The following NEDD4L variants were observed in gnomAD, a reference collection of about 807,000 sequenced individuals.
The protein encoded by NEDD4L is NEDD4 like E3 ubiquitin protein ligase, also known as E3 ubiquitin-protein ligase NEDD4-like.
A neutral mutation model predicts 148.9 loss-of-function variants in NEDD4L; 54 were observed. The observed-to-expected ratio is 0.36, with a 90% CI of 0.29 to 0.45. The LOEUF (loss-of-function observed/expected upper bound fraction) is 0.45. Among genes scored for constraint, NEDD4L ranks in the 20% least tolerant of loss-of-function variants. The probability of loss-of-function intolerance (pLI) is 1.00; values close to 1 mark genes in which losing one functional copy is unlikely to be tolerated. For missense variants in NEDD4L, 856 were observed against 1,233.8 expected, an observed-to-expected ratio of 0.69 and a Z score of 4.59; for synonymous variants, 433 against 440.7, an observed-to-expected ratio of 0.98 and a Z score of 0.22.
At position 58,323,478 on chromosome 18, in the gene NEDD4L, G is replaced by A. The variant is rs117091974; in HGVS notation, c.513+144G>A. On this transcript the variant is annotated intron_variant, in intron 8 of 30. Coordinates refer to ENST00000400345, the MANE Select transcript of NEDD4L (RefSeq NM_001144967.3). ...TATGTCCGCAAATTGGTCATTGATA[G>A]TCTACCAGTGCAGTTATTTGTTTTG... The A allele has an allele frequency of 2.3e-4, 132 of 586,340 alleles. 1 individual carries two copies. The East Asian group carries it at 3.8e-3, about 17-fold the overall frequency. 36.3% of individuals were successfully genotyped at this position (586,340 alleles called of 1,614,324 possible).
At chr18:58,079,380 C>T (rs376145424) in intron 1 of NEDD4L, among the ~76,000 whole-genome samples, 10 of 152,274 alleles carry the variant, frequency 6.6e-5, no homozygotes, top group African/African-American at 1.9e-4. Context: ...AGTGTTCATA[C>T]GCTTCCTCAG....
At chr18:58,089,908 C>T (rs2083971806) in intron 1 of NEDD4L, among the ~76,000 whole-genome samples, 1 of 149,968 alleles carries the variant, frequency 6.7e-6, no homozygotes. Flanking sequence ...GGCACTATCT[C>T]AGCTCACTGC....
chr18:58,268,324 G>A (rs2050521375), intron 5 of NEDD4L, among the ~76,000 whole-genome samples: 1 of 151,914 alleles, frequency 6.6e-6, no homozygotes, highest in African/African-American at 2.4e-5. Flanking sequence ...GAAGGCAGAT[G>A]TTTCTTTCAG....
chr18:58,232,823 T>C (rs1046732329), intron 2 of NEDD4L, among the ~76,000 whole-genome samples: 8 of 152,166 alleles, frequency 5.3e-5, no homozygotes, highest in Admixed American at 5.2e-4. Context: ...AAGTTGTTTT[T>C]CTGAGAGTTG....
At chr18:58,258,051 T>C (rs550311056) in intron 5 of NEDD4L, among the ~76,000 whole-genome samples, 3 of 152,368 alleles carry the variant, frequency 2.0e-5, no homozygotes, top group South Asian at 4.1e-4. Context: ...TCCTCCATCA[T>C]TGGTTTTCAT....
chr18:58,121,934 T>G (rs138803962), intron 1 of NEDD4L, among the ~76,000 whole-genome samples: 26 of 152,376 alleles, frequency 1.7e-4, no homozygotes, highest in African/African-American at 5.0e-4. Flanking sequence ...CACACCCATA[T>G]ATGTGTTTTT....
chr18:58,331,965 G>A (rs761744893), intron 11 of NEDD4L, among the ~76,000 whole-genome samples: 2 of 152,068 alleles, frequency 1.3e-5, no homozygotes, highest in Non-Finnish European at 2.9e-5. Context: ...GAGATGTGTC[G>A]CCAAGATGAA....
chr18:58,394,827 C>T (rs1007363525), intron 30 of NEDD4L, among the ~76,000 whole-genome samples: 2 of 152,312 alleles, frequency 1.3e-5, no homozygotes, highest in South Asian at 4.1e-4. Context: ...GCTGCCAAAG[C>T]GAGCACGTGA....
At chr18:58,126,879 C>T (rs1272192330) in intron 1 of NEDD4L, among the ~76,000 whole-genome samples, 1 of 152,240 alleles carries the variant, frequency 6.6e-6, no homozygotes, top group Non-Finnish European at 1.5e-5. Flanking sequence ...CAGACTCTCA[C>T]TCTGCCTTGG....
At chr18:58,279,532 G>A (rs1361398775) in intron 5 of NEDD4L, among the ~76,000 whole-genome samples, 2 of 152,188 alleles carry the variant, frequency 1.3e-5, no homozygotes, top group African/African-American at 2.4e-5. Flanking sequence ...TTCGGTACAC[G>A]ATTGAGAGGA....
chr18:58,049,692 T>C (rs1429091163), intron 1 of NEDD4L, among the ~76,000 whole-genome samples: 2 of 152,196 alleles, frequency 1.3e-5, no homozygotes, highest in Non-Finnish European at 2.9e-5. Context: ...AATTTGATTA[T>C]AGGGACCGGG....
chr18:58,245,586 C>T, intron 3 of NEDD4L, 78 bp downstream of exon 3: 1 of 720,834 alleles, frequency 1.4e-6, no homozygotes, highest in Admixed American at 2.5e-5. Context: ...CTGCTTAACA[C>T]CTTTTTGGTC....
intron 9 of NEDD4L, among the ~76,000 whole-genome samples, chr18:58,327,289 G>C (rs1285021428): frequency 6.6e-6 from 1 of 152,212 alleles, no homozygotes; most frequent in African/African-American, 2.4e-5. Flanking sequence ...TGAAGATGGG[G>C]TTTCACTGGC....
In NEDD4L at chr18:58,256,912, G is replaced by C. The variant is rs1600319085; in HGVS notation, c.297+4858G>C. On this transcript the variant is annotated intron_variant, in intron 5 of 30. Coordinates refer to ENST00000400345, the MANE Select transcript of NEDD4L (RefSeq NM_001144967.3). The surrounding 1 kb of genome is among the most constrained non-coding windows in gnomAD (Gnocchi z 5.2). ...CCAGTGGATCTGAATGTTTGGCCGA[G>C]TTCTGGCACGATGATTTGTGGTCCA... 1.3e-6 allele frequency: 1 copy of C among 751,024 alleles called. No individual in the cohort carries two copies. Among genetic ancestry groups the C allele is most frequent in the East Asian group, 3.4e-5 (1 of 29,560 alleles). The allele number at this position is 751,024 out of a possible 1,614,324, so 46.5% of individuals were successfully genotyped here.
intron 1 of NEDD4L, among the ~76,000 whole-genome samples, chr18:58,064,480 G>A (rs12961713): frequency 0.29 from 43,822 of 152,004 alleles, 6,904 homozygotes; most frequent in African/African-American, 0.42. Context: ...AGTCATGGCT[G>A]CTAGGGTAAG....
intron 1 of NEDD4L, among the ~76,000 whole-genome samples, chr18:58,109,179 C>T (rs1280644559): frequency 6.6e-6 from 1 of 152,204 alleles, no homozygotes; most frequent in Non-Finnish European, 1.5e-5. Flanking sequence ...AGGCTCCTGC[C>T]CTCATTGAGC....
chr18:58,355,358 G>T (rs764576971), intron 18 of NEDD4L, among the ~76,000 whole-genome samples: 4 of 152,196 alleles, frequency 2.6e-5, no homozygotes, highest in African/African-American at 9.7e-5. Flanking sequence ...GTAAGGTCAC[G>T]TTACCAATTT....
intron 2 of NEDD4L, among the ~76,000 whole-genome samples, chr18:58,212,637 C>T (rs914708941): frequency 2.6e-5 from 4 of 152,032 alleles, no homozygotes; most frequent in African/African-American, 9.7e-5. Flanking sequence ...AGCTACCATG[C>T]CTAGCCAATT....
chr18:58,366,247 C>A lies in NEDD4L; in HGVS notation c.2063+19C>A. On this transcript the variant is annotated intron_variant, in intron 21 of 30. Transcript: ENST00000400345. This position sits in a 1 kb window ranked among gnomAD's most constrained non-coding sequence, Gnocchi z 4.2. ...CTGCCACGTAAGTATATGGCCACAC[C>A]CAGTGTGTGTCCCCCACTGAGACAG... The A allele has an allele frequency of 1.4e-6, 2 of 1,476,758 alleles. No homozygotes were observed. Among genetic ancestry groups the A allele is most frequent in the Non-Finnish European group, 1.9e-6 (2 of 1,077,946 alleles). 91.5% of individuals were successfully genotyped at this position (1,476,758 alleles called of 1,614,324 possible). A position where few individuals can be genotyped will look rare whatever the true frequency, so the allele number is the denominator to read the frequency against.
Sources: allele counts gnomAD v4.1 joint callset (sites outside exome capture counted in the v4.1 genomes callset), GRCh38; gene constraint gnomAD v4.1.1; non-coding constraint Gnocchi (gnomAD v3.1); transcripts MANE v1.5; gene names NCBI Gene and HGNC (gene_info 2026-07-23, HGNC 2026-07-21).